Variants in DGKZ observed in about 807,000 individuals in gnomAD.
The protein encoded by DGKZ is diacylglycerol kinase zeta.
DGKZ carries 45 observed loss-of-function variants against 142.5 expected under a neutral mutation model. That is an observed-to-expected ratio of 0.32 (90% CI 0.25 to 0.40). DGKZ has a LOEUF of 0.40. Among genes scored for constraint, DGKZ ranks in the 10% least tolerant of loss-of-function variants. The pLI is 1.00. For synonymous variants in DGKZ, 442 were observed against 527.0 expected (o/e 0.84, Z 2.21); for missense variants, 755 against 1,306.5 (o/e 0.58, Z 6.51).
exon 5 of DGKZ, chr11:46,369,550 G>C: frequency 6.2e-7 from 1 of 1,612,618 alleles, no homozygotes; most frequent in African/African-American, 1.3e-5. Flanking sequence ...ATGTCCGCGA[G>C]GTAAGTGCCC....
At chr11:46,376,453 A>T in intron 23 of DGKZ, 56 bp downstream of exon 23, 1 of 1,613,864 alleles carries the variant, frequency 6.2e-7, no homozygotes, top group Non-Finnish European at 8.5e-7. Flanking sequence ...AGGGGATCCC[A>T]GGTAGGGGCA....
chr11:46,336,155 C>T (rs1160760117), intron 1 of DGKZ, among the ~76,000 whole-genome samples: 4 of 152,156 alleles, frequency 2.6e-5, no homozygotes, highest in East Asian at 1.9e-4. Context: ...TAAGTGAGGA[C>T]GGGGGCTTTG....
chr11:46,376,616 C>A, intron 24 of DGKZ, 52 bp downstream of exon 24: 1 of 1,609,608 alleles, frequency 6.2e-7, no homozygotes, highest in South Asian at 1.1e-5. Flanking sequence ...GCCCCAGGGT[C>A]GCCTCTCCTG....
At chr11:46,373,099 C>G in exon 14 of DGKZ, 3 of 1,542,740 alleles carry the variant, frequency 1.9e-6, no homozygotes, top group Non-Finnish European at 2.6e-6. Context: ...CGCCACCGAC[C>G]GGGTAAGTTG....
Position 46,374,383 on chromosome 11 carries a change from G to A in DGKZ, c.1406-16G>A. ...CTGGGGTGACTCACTGGCCCCCACTGCTTGTCTCCACCCAGAGGCCAACCC... is the reference window on the plus strand; with the variant it reads ...CTGGGGTGACTCACTGGCCCCCACTACTTGTCTCCACCCAGAGGCCAACCC... On this transcript the variant is annotated splice_polypyrimidine_tract_variant and intron_variant, in intron 15 of 30. Coordinates refer to ENST00000527911, the Ensembl canonical transcript of DGKZ. 2 of 1,613,998 alleles carry A rather than the reference G, an allele frequency of 1.2e-6. No homozygotes were observed. Among genetic ancestry groups the A allele is most frequent in the Non-Finnish European group, 1.7e-6 (2 of 1,180,022 alleles).
chr11:46,346,245 A>C (rs1940598831), upstream of DGKZ, among the ~76,000 whole-genome samples: 1 of 152,250 alleles, frequency 6.6e-6, no homozygotes, highest in Non-Finnish European at 1.5e-5. Flanking sequence ...CCAGAACCCA[A>C]GAGGGGAGGA....
chr11:46,378,195 CA>C lies in DGKZ; in HGVS notation c.2343-2del. ...GGTCACAGCACATCATGCTCTGTTG[CA>C]GGTCACTGCAAGGGGATGCTGCACC... On this transcript the variant is annotated splice_acceptor_variant, in intron 25 of 30. Transcript: ENST00000527911. LOFTEE classifies it high-confidence loss of function. The C allele has an allele frequency of 6.2e-7, 1 of 1,609,166 alleles. No homozygotes were observed. Among genetic ancestry groups the C allele is most frequent in the Non-Finnish European group, 8.5e-7 (1 of 1,178,532 alleles).
intron 1 of DGKZ, among the ~76,000 whole-genome samples, chr11:46,336,194 G>A (rs566067172): frequency 3.3e-5 from 5 of 152,294 alleles, no homozygotes; most frequent in South Asian, 2.1e-4. Context: ...AGAGGGGTGT[G>A]GGGCTTTCTC....
chr11:46,379,914 G>A, exon 31 of DGKZ: 1 of 1,607,984 alleles, frequency 6.2e-7, no homozygotes, highest in East Asian at 2.2e-5. Flanking sequence ...ACTACCAGAT[G>A]ATCCAGCGGG....
rs1427562110 is a variant in DGKZ, at chr11:46,372,834, C to T, written c.1135C>T (p.Leu379=). ...GAAGCCGCCACCCCCTGTTGCCATC[C>T]TGCCCCTGGGTACTGGCAACGACTT... is the stretch of plus-strand genomic sequence containing the variant. The change falls in exon 13 of 31, where the codon CTG becomes TTG. Residue 379 remains leucine, a synonymous_variant. Transcript: ENST00000527911. The surrounding 1 kb of genome is among the most constrained non-coding windows in gnomAD (Gnocchi z 5.9). The T allele has an allele frequency of 3.1e-6, 5 of 1,601,470 alleles. No individual in the cohort carries two copies. Among genetic ancestry groups the T allele is most frequent in the Non-Finnish European group, 4.3e-6 (5 of 1,174,050 alleles).
chr11:46,343,543 G>A (rs192055799), upstream of DGKZ, among the ~76,000 whole-genome samples: 1 of 152,322 alleles, frequency 6.6e-6, no homozygotes, highest in Non-Finnish European at 1.5e-5. Flanking sequence ...AATGCTTGAG[G>A]AAGGTACAGT....
chr11:46,341,680 C>T (rs562424951), intron 1 of DGKZ, among the ~76,000 whole-genome samples: 51 of 152,256 alleles, frequency 3.3e-4, no homozygotes, highest in Non-Finnish European at 6.2e-4. Flanking sequence ...TCTACCTTCC[C>T]ACTTTTGCTG....
chr11:46,370,957 C>T (rs1057005644), intron 6 of DGKZ, among the ~76,000 whole-genome samples: 1 of 151,948 alleles, frequency 6.6e-6, no homozygotes. Context: ...TAGTGGTGGG[C>T]GCCTGTAATC....
chr11:46,363,526 G>C (rs1192753690), intron 1 of DGKZ, among the ~76,000 whole-genome samples: 1 of 152,236 alleles, frequency 6.6e-6, no homozygotes, highest in East Asian at 1.9e-4. Flanking sequence ...GCCTGGCAGT[G>C]TGTGGAGCCG....
chr11:46,368,102 C>T (rs1377525331), intron 4 of DGKZ, 23 bp downstream of exon 4: 2 of 1,612,964 alleles, frequency 1.2e-6, no homozygotes, highest in Non-Finnish European at 1.7e-6. Context: ...CTCAGCTTTG[C>T]CCGCCCCTGC....
chr11:46,371,848 C>T (rs1347071494), intron 9 of DGKZ, 73 bp downstream of exon 9: 3 of 1,528,094 alleles, frequency 2.0e-6, no homozygotes, highest in Non-Finnish European at 1.8e-6. Context: ...ACAGAACTTC[C>T]ACCCCCAGCT....
At chr11:46,373,645 C>T (rs1024985024) in intron 14 of DGKZ, among the ~76,000 whole-genome samples, 2 of 151,792 alleles carry the variant, frequency 1.3e-5, no homozygotes, top group Non-Finnish European at 2.9e-5. Flanking sequence ...CTACAGGCAC[C>T]CGCCACCACA....
chr11:46,356,456 G>A (rs1276389589), intron 1 of DGKZ, among the ~76,000 whole-genome samples: 1 of 152,168 alleles, frequency 6.6e-6, no homozygotes, highest in Non-Finnish European at 1.5e-5. Context: ...CTCTGGGGAT[G>A]CCATTAGAAG....
intron 16 of DGKZ, 41 bp from the exon 17 acceptor site, chr11:46,374,563 G>A: frequency 6.2e-7 from 1 of 1,601,984 alleles, no homozygotes; most frequent in Non-Finnish European, 8.5e-7. Context: ...GGTGAGGAAA[G>A]ATCTCTGTCA....
Sources: allele counts gnomAD v4.1 joint callset (sites outside exome capture counted in the v4.1 genomes callset), GRCh38; gene constraint gnomAD v4.1.1; non-coding constraint Gnocchi (gnomAD v3.1); transcripts MANE v1.5; gene names NCBI Gene and HGNC (gene_info 2026-07-23, HGNC 2026-07-21).